The following EPS15L1 variants were observed in gnomAD, a reference collection of about 807,000 sequenced individuals.
The protein encoded by EPS15L1 is epidermal growth factor receptor pathway substrate 15 like 1, also known as epidermal growth factor receptor substrate 15-like 1.
A neutral mutation model predicts 117.1 loss-of-function variants in EPS15L1; 43 were observed. The ratio of observed to expected loss-of-function variants is 0.37; its 90% confidence interval spans 0.29 to 0.47. EPS15L1 has a LOEUF of 0.47. Among genes scored for constraint, EPS15L1 ranks in the 20% least tolerant of loss-of-function variants. The pLI, the probability that EPS15L1 is intolerant of heterozygous loss-of-function variation, is 0.99. For missense variants in EPS15L1, 981 were observed against 1,164.0 expected, an observed-to-expected ratio of 0.84 and a Z score of 2.29; for synonymous variants, 459 against 470.5, an observed-to-expected ratio of 0.98 and a Z score of 0.32.
intron 13 of EPS15L1, among the ~76,000 whole-genome samples, chr19:16,409,928 ACT>A (rs1377928964): frequency 7.9e-6 from 1 of 126,658 alleles, no homozygotes; most frequent in African/African-American, 3.2e-5. Flanking sequence ...ACAGAGTGAG[ACT>A]CTGTCTCAAA....
chr19:16,413,485 C>G, intron 13 of EPS15L1: 1 of 733,176 alleles, frequency 1.4e-6, no homozygotes, highest in South Asian at 1.7e-5. Context: ...TTCACCAAGT[C>G]TCCCTATCAG....
chr19:16,396,115 AAATT>A (rs901519497), intron 16 of EPS15L1, among the ~76,000 whole-genome samples: 6 of 152,154 alleles, frequency 3.9e-5, no homozygotes, highest in African/African-American at 7.2e-5. Context: ...TTAAAAAAAA[AAATT>A]AATTAAAGAT....
intron 22 of EPS15L1, among the ~76,000 whole-genome samples, chr19:16,367,524 A>AAC (rs2092152650): frequency 6.7e-6 from 1 of 149,596 alleles, no homozygotes; most frequent in South Asian, 2.1e-4. Context: ...AAAAAAAAAA[A>AAC]AACTTGGTGG....
At position 16,425,083 on chromosome 19, in the gene EPS15L1, C is replaced by T. The variant is rs1232735188; in HGVS notation, c.792G>A (p.Gln264=). 1 of 1,613,516 alleles carries T rather than the reference C, an allele frequency of 6.2e-7. No individual in the cohort carries two copies. The highest frequency in any genetic ancestry group is 1.7e-5 in the Admixed American group (1 of 60,034). The change falls in exon 9 of 24, where the codon CAG becomes CAA. Residue 264 remains glutamine, a splice_region_variant and synonymous_variant. Transcript: ENST00000455140. ...LSPKHSLKQT[Q]PTVNWVVPVA... is the part of the protein sequence containing the mutation. The stretch of plus-strand genomic sequence containing the variant: ...GCTGTGCCCGCTGAGGGCTCCGTAC[C>T]TGTGTTTGCTTGAGGCTGTGCTTGG...
chr19:16,378,263 G>A (rs907024810), intron 21 of EPS15L1, among the ~76,000 whole-genome samples: 5 of 151,920 alleles, frequency 3.3e-5, no homozygotes, highest in African/African-American at 1.2e-4. Flanking sequence ...GGCATGCAGG[G>A]ACTTCATCGC....
intron 18 of EPS15L1, among the ~76,000 whole-genome samples, chr19:16,393,533 C>T (rs565233223): frequency 1.3e-5 from 2 of 151,018 alleles, no homozygotes; most frequent in Admixed American, 6.6e-5. Flanking sequence ...CCTGTAGTCC[C>T]AGCTACTTGG....
intron 22 of EPS15L1, among the ~76,000 whole-genome samples, chr19:16,372,782 T>C (rs934139235): frequency 3.3e-5 from 5 of 152,238 alleles, no homozygotes; most frequent in Admixed American, 3.3e-4. Flanking sequence ...GTGGGTCCCA[T>C]GGTCAGGCAG....
chr19:16,410,271 G>A (rs1445570490), intron 13 of EPS15L1, among the ~76,000 whole-genome samples: 7 of 152,244 alleles, frequency 4.6e-5, no homozygotes, highest in East Asian at 1.9e-4. Context: ...ACTTGACGTC[G>A]CTAGGGAAGC....
At chr19:16,420,228 G>A (rs1170833057) in intron 10 of EPS15L1, among the ~76,000 whole-genome samples, 2 of 152,196 alleles carry the variant, frequency 1.3e-5, no homozygotes, top group Non-Finnish European at 2.9e-5. Flanking sequence ...TCCTTCTTTT[G>A]ATCCAGGTGG....
At chr19:16,460,717 G>A (rs1222721292) in intron 1 of EPS15L1, among the ~76,000 whole-genome samples, 3 of 152,170 alleles carry the variant, frequency 2.0e-5, no homozygotes, top group African/African-American at 7.2e-5. Context: ...GAGCGTTCTA[G>A]TTCTCAGCAA....
At chr19:16,368,977 C>T (rs1568392230) in intron 22 of EPS15L1, among the ~76,000 whole-genome samples, 2 of 152,238 alleles carry the variant, frequency 1.3e-5, no homozygotes, top group South Asian at 2.1e-4. Flanking sequence ...TTCCACCCTC[C>T]CCATCCTGCC....
intron 1 of EPS15L1, among the ~76,000 whole-genome samples, chr19:16,461,228 C>T (rs1379249993): frequency 4.0e-5 from 6 of 150,840 alleles, no homozygotes; most frequent in African/African-American, 9.8e-5. Context: ...GGCATGAACC[C>T]GGGAGACGGA....
At chr19:16,429,053 T>C (rs928255373) in intron 7 of EPS15L1, among the ~76,000 whole-genome samples, 3 of 150,126 alleles carry the variant, frequency 2.0e-5, no homozygotes, top group Non-Finnish European at 1.5e-5. Context: ...CTTTATTGTC[T>C]TACAGAGACA....
Position 16,393,124 on chromosome 19 carries a change from T to TAAA in EPS15L1, c.1967-687_1967-685dup, listed in dbSNP as rs1555745283. Among the ~76,000 whole-genome samples the TAAA allele has an allele frequency of 1.9e-3, 242 of 125,740 alleles. 1 individual carries two copies. Among genetic ancestry groups the TAAA allele is most frequent in the African/African-American group, 6.7e-3 (231 of 34,602 alleles). 82.5% of individuals were successfully genotyped at this position (125,740 alleles called of 152,430 possible). ...ATAATAATAATAATAATAATAATAA[T>TAAA]AAACAACGCAGGTAAATCCATAGAG... On this transcript the variant is annotated intron_variant, in intron 18 of 23. Coordinates refer to ENST00000455140, the MANE Select transcript of EPS15L1 (RefSeq NM_001258374.3).
At chr19:16,469,724 G>T (rs2093332595) in intron 1 of EPS15L1, among the ~76,000 whole-genome samples, 1 of 152,140 alleles carries the variant, frequency 6.6e-6, no homozygotes, top group Non-Finnish European at 1.5e-5. Context: ...CCCTAGGCTA[G>T]CCCGCTGGGT....
rs1025534337 is a variant in EPS15L1 at position 16,370,902 on chromosome 19, G to A, written c.2380+6220C>T. 2.0e-5 allele frequency among the ~76,000 whole-genome samples: 3 copies of A among 152,148 alleles called. No homozygotes were observed. Among genetic ancestry groups the A allele is most frequent in the Non-Finnish European group, 4.4e-5 (3 of 68,016 alleles). ...AAAGAGGGACTCCACCTGGTTGGCC[G>A]TTTTAGGCTCCTTGGGACCCCCTCC... On this transcript the variant is annotated intron_variant, in intron 22 of 23. Coordinates refer to ENST00000455140, the MANE Select transcript of EPS15L1 (RefSeq NM_001258374.3). The surrounding 1 kb of genome is among the most constrained non-coding windows in gnomAD (Gnocchi z 5.2).
chr19:16,431,929 T>G (rs1364700673), intron 7 of EPS15L1, among the ~76,000 whole-genome samples: 1 of 152,232 alleles, frequency 6.6e-6, no homozygotes. Context: ...ATGCTTGTAT[T>G]TTTCTAACCA....
chr19:16,379,598 C>A (rs1434107566), intron 21 of EPS15L1, among the ~76,000 whole-genome samples: 1 of 152,270 alleles, frequency 6.6e-6, no homozygotes, highest in Admixed American at 6.5e-5. Context: ...ACCGATGCAG[C>A]TGACTAAGGC....
intron 7 of EPS15L1, among the ~76,000 whole-genome samples, chr19:16,432,839 G>A (rs1024565159): frequency 7.9e-5 from 12 of 152,134 alleles, no homozygotes; most frequent in Admixed American, 2.6e-4. Flanking sequence ...TCTCAATCCG[G>A]TTGCCCTGGC....
Sources: gnomAD v4.1 joint callset for allele counts (sites outside exome capture counted in the v4.1 genomes callset) on GRCh38, gnomAD v4.1.1 for gene constraint, Gnocchi (gnomAD v3.1) non-coding constraint, MANE v1.5 for transcripts, NCBI Gene and HGNC (gene_info 2026-07-23, HGNC 2026-07-21) for gene names.